ARHGAP29: variants seen among roughly 807,000 people sequenced by gnomAD.
ARHGAP29 encodes rho GTPase-activating protein 29.
Under a neutral mutation model 122.6 loss-of-function variants are expected in ARHGAP29, and 43 were observed. The ratio of observed to expected loss-of-function variants is 0.35; its 90% CI spans 0.27 to 0.45. The LOEUF is 0.45. Ranked by LOEUF, ARHGAP29 falls within the 20% of genes least tolerant of loss-of-function variation. The pLI is 1.00. For missense variants in ARHGAP29, 1,303 were observed against 1,477.2 expected (o/e 0.88, Z 1.93); for synonymous variants, 506 against 497.1 (o/e 1.02, Z -0.24).
chr1:94,299,371 G>A, the ARHGAP29 span, among the ~76,000 whole-genome samples: 1 of 152,132 alleles, frequency 6.6e-6, no homozygotes, highest in African/African-American at 2.4e-5. Flanking sequence ...TGAAATACAA[G>A]GCTTTTTGGA....
At chr1:94,275,659 G>A (rs187550107), upstream of ARHGAP29, among the ~76,000 whole-genome samples, 2 of 152,240 alleles carry the variant, frequency 1.3e-5, no homozygotes, top group South Asian at 2.1e-4. Flanking sequence ...GTTTAAACTA[G>A]TGTCCAGTAG....
intron 12 of ARHGAP29, chr1:94,193,260 G>A (rs895327187): frequency 4.6e-5 from 7 of 151,540 alleles, no homozygotes; most frequent in Admixed American, 2.6e-4. Flanking sequence ...ACAACCAAGA[G>A]GAAAAAGCTT....
chr1:94,306,148 C>A, the ARHGAP29 span, among the ~76,000 whole-genome samples: 1 of 152,212 alleles, frequency 6.6e-6, no homozygotes, highest in Non-Finnish European at 1.5e-5. Flanking sequence ...GTAGTCGGGC[C>A]CTGGGTATCA....
chr1:94,180,597 G>A (rs928698073), intron 19 of ARHGAP29, among the ~76,000 whole-genome samples: 2 of 152,192 alleles, frequency 1.3e-5, no homozygotes, highest in Admixed American at 6.5e-5. Context: ...TATCTGTGGT[G>A]AGTCAGAAGG....
chr1:94,287,634 C>A, the ARHGAP29 span, among the ~76,000 whole-genome samples: 1 of 152,160 alleles, frequency 6.6e-6, no homozygotes, highest in East Asian at 1.9e-4. Context: ...GGTATTTCTC[C>A]TAATGCTATC....
the ARHGAP29 span, among the ~76,000 whole-genome samples, chr1:94,283,771 G>A: frequency 5.9e-5 from 9 of 152,124 alleles, no homozygotes; most frequent in Non-Finnish European, 1.0e-4. Context: ...CAAACAAGGT[G>A]CATTTAAAAA....
upstream of ARHGAP29, among the ~76,000 whole-genome samples, chr1:94,239,115 T>C (rs1653472901): frequency 6.6e-6 from 1 of 152,004 alleles, no homozygotes; most frequent in South Asian, 2.1e-4. Flanking sequence ...TTCCTTCTAA[T>C]CGTGCTGAAA....
the ARHGAP29 span, among the ~76,000 whole-genome samples, chr1:94,283,709 A>T: frequency 6.6e-6 from 1 of 152,220 alleles, no homozygotes; most frequent in Non-Finnish European, 1.5e-5. Flanking sequence ...TCATACCATC[A>T]TGCTCTTTGC....
intron 1 of ARHGAP29, among the ~76,000 whole-genome samples, chr1:94,262,978 A>G (rs1654620122): frequency 1.3e-5 from 2 of 152,266 alleles, no homozygotes; most frequent in Admixed American, 1.3e-4. Flanking sequence ...ACAATAGCAA[A>G]GACATGGAAT....
At chr1:94,199,020 T>C (rs1650655773) in intron 12 of ARHGAP29, among the ~76,000 whole-genome samples, 1 of 152,128 alleles carries the variant, frequency 6.6e-6, no homozygotes, top group Admixed American at 6.5e-5. Flanking sequence ...ATGTTCTCAA[T>C]CATATGTGGG....
At chr1:94,249,328 G>A (rs1280941461) in intron 1 of ARHGAP29, 1 of 152,252 alleles carries the variant, frequency 6.6e-6, no homozygotes, top group African/African-American at 2.4e-5. Context: ...GACAGATGAT[G>A]TGGTATTGTT....
chr1:94,175,817 GCCTCAC>G (rs973770348), intron 22 of ARHGAP29, among the ~76,000 whole-genome samples: 14 of 152,074 alleles, frequency 9.2e-5, no homozygotes, highest in Admixed American at 9.2e-4. Context: ...TGATTCTCTT[GCCTCAC>G]CCTCCTGAGT....
At chr1:94,252,478 C>G (rs193216750) in intron 1 of ARHGAP29, among the ~76,000 whole-genome samples, 2 of 152,142 alleles carry the variant, frequency 1.3e-5, no homozygotes, top group African/African-American at 4.8e-5. Context: ...CACCCTGTGC[C>G]GTAGAGGCAG....
the ARHGAP29 span, among the ~76,000 whole-genome samples, chr1:94,309,191 C>T: frequency 6.6e-6 from 1 of 152,222 alleles, no homozygotes; most frequent in East Asian, 1.9e-4. Context: ...TCAAGCATCC[C>T]TATTTCATAG....
At chr1:94,272,652 C>T (rs1570631872) in intron 1 of ARHGAP29, among the ~76,000 whole-genome samples, 1 of 152,216 alleles carries the variant, frequency 6.6e-6, no homozygotes, top group East Asian at 1.9e-4. Flanking sequence ...TCTCTACTGG[C>T]CTGGCTGAGA....
the ARHGAP29 span, among the ~76,000 whole-genome samples, chr1:94,288,849 T>C: frequency 1.6e-4 from 24 of 152,222 alleles, no homozygotes; most frequent in Admixed American, 1.6e-3. Flanking sequence ...TCTGTTCCAT[T>C]GGTCTATATC....
At chr1:94,220,161 C>T in intron 3 of ARHGAP29, 97 bp downstream of exon 3, 1 of 1,315,904 alleles carries the variant, frequency 7.6e-7, no homozygotes. Context: ...CACACAAATG[C>T]AATGAGAGGA....
intron 13 of ARHGAP29, 25 bp from the exon 14 acceptor site, chr1:94,189,377 A>C: frequency 6.3e-7 from 1 of 1,588,362 alleles, no homozygotes; most frequent in Non-Finnish European, 8.6e-7. Flanking sequence ...ATGACAAAAA[A>C]CAAAACTCAA....
rs1260428834 is a variant in ARHGAP29, at chr1:94,179,583, ACT to A, written c.2480+140_2480+141del. The A allele has an allele frequency of 1.8e-5, 10 of 557,324 alleles. No individual in the cohort carries two copies. The East Asian group carries it at 3.1e-4, about 17-fold the overall frequency. The allele number at this position is 557,324 out of a possible 1,614,324, so 34.5% of individuals were successfully genotyped here. On this transcript the variant is annotated intron_variant, in intron 20 of 22. Coordinates refer to ENST00000260526, the MANE Select transcript of ARHGAP29 (RefSeq NM_004815.4). ...ACCCCAGCCTGGGTGACAGAGCGAG[ACT>A]CTGTCTCAAAAAAAAAAAAAAAAAA...
Sources: allele counts gnomAD v4.1 joint callset (sites outside exome capture counted in the v4.1 genomes callset), GRCh38; gene constraint gnomAD v4.1.1; transcripts MANE v1.5; gene names NCBI Gene and HGNC (gene_info 2026-07-23, HGNC 2026-07-21).